Variants in INPPL1 observed in about 807,000 individuals in gnomAD.
INPPL1 encodes the protein inositol polyphosphate phosphatase like 1, also known as phosphatidylinositol 3,4,5-trisphosphate 5-phosphatase 2.
Under a neutral mutation model 139.3 loss-of-function variants are expected in INPPL1, and 91 were observed. The ratio of observed to expected loss-of-function variants is 0.65; its 90% confidence interval spans 0.55 to 0.78. The LOEUF is 0.78. INPPL1 is among the 30% of genes least tolerant of loss of function. The probability of loss-of-function intolerance (pLI) is 0.00; values close to 1 mark genes in which losing one functional copy is unlikely to be tolerated. For synonymous variants in INPPL1, 719 were observed against 686.6 expected, an observed-to-expected ratio of 1.05 and a Z score of -0.74; for missense variants, 1,411 against 1,665.6, an observed-to-expected ratio of 0.85 and a Z score of 2.66.
chr11:72,228,211 G>A lies in INPPL1; in HGVS notation c.204G>A (p.Thr68=), dbSNP rs180840957. 22 of 1,614,092 alleles carry A rather than the reference G, an allele frequency of 1.4e-5. No homozygotes were observed. The highest frequency in any genetic ancestry group is 4.5e-5 in the East Asian group (2 of 44,884). Residue 68 remains threonine, a synonymous_variant, in exon 2 of 28, where the codon ACG becomes ACA. Transcript: ENST00000298229. This position sits in a 1 kb window ranked among gnomAD's most constrained non-coding sequence, Gnocchi z 5.0. ...LCVLYQKHVH[T]YRILPDGEDF... ...TCAGGTATCAGAAGCATGTGCACACGTATCGCATTCTGCCTGATGGAGAAG... is the reference window on the plus strand; with the variant it reads ...TCAGGTATCAGAAGCATGTGCACACATATCGCATTCTGCCTGATGGAGAAG...
At position 72,224,900 on chromosome 11, in the gene INPPL1, G is replaced by GCCCGGC; in HGVS notation, c.-81_-76dup. On this transcript the variant is annotated 5_prime_UTR_variant, in exon 1 of 28. Coordinates refer to ENST00000298229, the MANE Select transcript of INPPL1 (RefSeq NM_001567.4). ...ACGGATCCTCAAGCCCGGGCCCCGG[G>GCCCGGC]CCCGGCCCCAGCCTCAGCCCTGAGC... 1 of 950,504 alleles carries GCCCGGC rather than the reference G, an allele frequency of 1.1e-6. No individual in the cohort carries two copies. The highest frequency in any genetic ancestry group is 1.3e-6 in the Non-Finnish European group (1 of 787,938). The allele number at this position is 950,504 out of a possible 1,614,324, so 58.9% of individuals were successfully genotyped here.
Position 72,232,314 on chromosome 11 carries a change from TC to T in INPPL1, c.1691del (p.Ser564TrpfsTer57). 6.4e-7 allele frequency: 1 copy of T among 1,553,176 alleles called. No homozygotes were observed. The highest frequency in any genetic ancestry group is 8.7e-7 in the Non-Finnish European group (1 of 1,147,736). On this transcript the variant is annotated frameshift_variant, in exon 14 of 28. Coordinates refer to ENST00000298229, the MANE Select transcript of INPPL1 (RefSeq NM_001567.4). LOFTEE classifies it high-confidence loss of function. ...TGGCTTTGTGAATTGTCACCTCACC[TC>T]GGGAAATGAGAAGACGGCTCGGTGA... is the stretch of plus-strand genomic sequence containing the variant. ...SFGFVNCHLTSGNEKTARRNQ... is the reference protein window; with the variant it reads ...SFGFVNCHLTXGNEKTARRNQ...
intron 7 of INPPL1, 39 bp from the exon 8 acceptor site, chr11:72,229,885 G>T: frequency 6.3e-7 from 1 of 1,599,016 alleles, no homozygotes; most frequent in Non-Finnish European, 8.6e-7. Context: ...CCAGCCTTCA[G>T]TGTGTCCCCT....
intron 13 of INPPL1, 94 bp from the exon 14 acceptor site, chr11:72,232,146 G>T: frequency 1.0e-6 from 1 of 996,792 alleles, no homozygotes; most frequent in Non-Finnish European, 1.5e-6. Flanking sequence ...GGCTCAGCGG[G>T]AGGATCCTCT....
chr11:72,231,764 C>A, intron 13 of INPPL1, 149 bp downstream of exon 13: 1 of 653,510 alleles, frequency 1.5e-6, no homozygotes, highest in Non-Finnish European at 2.7e-6. Context: ...TATTCATATT[C>A]TAAATCTCTC....
Position 72,238,432 on chromosome 11 carries a change from G to C in INPPL1, c.*79G>C. The C allele has an allele frequency of 8.0e-7, 1 of 1,245,502 alleles. No homozygotes were observed. The highest frequency in any genetic ancestry group is 1.1e-6 in the Non-Finnish European group (1 of 908,526). 77.2% of individuals were successfully genotyped at this position (1,245,502 alleles called of 1,614,324 possible). On this transcript the variant is annotated 3_prime_UTR_variant, in exon 28 of 28. Transcript: ENST00000298229. ...CCAGCTATGGCCCCAGGGTTGAAAAGTTATGAGGGTCAGGGCAGTATCTCT... is the reference window on the plus strand; with the variant it reads ...CCAGCTATGGCCCCAGGGTTGAAAACTTATGAGGGTCAGGGCAGTATCTCT...
intron 13 of INPPL1, 69 bp from the exon 14 acceptor site, chr11:72,232,171 G>A: frequency 8.0e-7 from 1 of 1,254,232 alleles, no homozygotes; most frequent in South Asian, 1.3e-5. Flanking sequence ...GCAGCTTTGA[G>A]AGGCAGAAGG....
At position 72,226,017 on chromosome 11, in the gene INPPL1, T is replaced by G. The variant is rs757326807; in HGVS notation, c.182+851T>G. ...TGTGGGCCCAGTGAGTGGGAATCTG[T>G]GGGGGCTGCTTTATTTAGATCAGTT... On this transcript the variant is annotated intron_variant, in intron 1 of 27. Coordinates refer to ENST00000298229, the MANE Select transcript of INPPL1 (RefSeq NM_001567.4). 3.0e-4 allele frequency among the ~76,000 whole-genome samples: 46 copies of G among 152,122 alleles called. 1 individual carries two copies. Among genetic ancestry groups the G allele is most frequent in the Non-Finnish European group, 8.8e-5 (6 of 68,016 alleles).
At chr11:72,233,259 C>T (rs958854761) in intron 17 of INPPL1, 96 bp downstream of exon 17, 2 of 1,170,848 alleles carry the variant, frequency 1.7e-6, no homozygotes, top group Admixed American at 2.1e-5. Context: ...GCTTCCACTC[C>T]AGCCTCCATG....
In INPPL1 at chr11:72,238,477, C is replaced by T. The variant is rs541183872; in HGVS notation, c.*124C>T. On this transcript the variant is annotated 3_prime_UTR_variant, in exon 28 of 28. Coordinates refer to ENST00000298229, the MANE Select transcript of INPPL1 (RefSeq NM_001567.4). Reference sequence around the variant, plus strand: ...ATCTCTCTGCCTATTTATTGGGGTGCCTATTTATTGGGGATCTGCATTCCC... The same window carrying T: ...ATCTCTCTGCCTATTTATTGGGGTGTCTATTTATTGGGGATCTGCATTCCC... 8 of 746,832 alleles carry T rather than the reference C, an allele frequency of 1.1e-5. No individual in the cohort carries two copies. The highest frequency in any genetic ancestry group is 1.6e-5 in the Non-Finnish European group (8 of 491,118). 46.3% of individuals were successfully genotyped at this position (746,832 alleles called of 1,614,324 possible).
At position 72,230,421 on chromosome 11, in the gene INPPL1, GAGA is replaced by G. The variant is rs1322947645; in HGVS notation, c.1153_1155del (p.Lys385del). 1 of 1,614,098 alleles carries G rather than the reference GAGA, an allele frequency of 6.2e-7. No homozygotes were observed. Among genetic ancestry groups the G allele is most frequent in the African/African-American group, 1.3e-5 (1 of 75,070 alleles). ...CAAGCTGGGTGTTGTGTTTGAGAAGGAGAAGGACCGGACTCAGCGCAAGGACTT... is the reference window on the plus strand; with the variant it reads ...CAAGCTGGGTGTTGTGTTTGAGAAGGAGGACCGGACTCAGCGCAAGGACTT... On this transcript the variant is annotated inframe_deletion, in exon 10 of 28. Coordinates refer to ENST00000298229, the MANE Select transcript of INPPL1 (RefSeq NM_001567.4).
At chr11:72,233,411 C>G in intron 17 of INPPL1, 30 bp from the exon 18 acceptor site, 1 of 1,600,832 alleles carries the variant, frequency 6.2e-7, no homozygotes, top group South Asian at 1.1e-5. Context: ...TAGCTGTCAG[C>G]TCTAACCATG....
chr11:72,237,824 T>TGTGC (rs1949038064), intron 26 of INPPL1, 28 bp downstream of exon 26: 1 of 1,562,198 alleles, frequency 6.4e-7, no homozygotes, highest in Non-Finnish European at 8.7e-7. Flanking sequence ...GCTGTCTGTG[T>TGTGC]GTGCCTGAGT....
In INPPL1 at chr11:72,229,210, C is replaced by T. The variant is rs1391855248; in HGVS notation, c.639C>T (p.Thr213=). ...CCCACCTCACCCGTACCCTCGCTAC[C>T]TCATGCCGGAGGCTGCACAGGTATC... ...HLPHLTRTLA[T]SCRRLHSEVD... The change falls in exon 5 of 28, where the codon ACC becomes ACT. Residue 213 remains threonine, a synonymous_variant. Transcript: ENST00000298229. 2.5e-5 allele frequency: 41 copies of T among 1,611,268 alleles called. No individual in the cohort carries two copies. The highest frequency in any genetic ancestry group is 3.2e-5 in the Non-Finnish European group (38 of 1,178,564).
Position 72,233,149 on chromosome 11 carries a change from C to G in INPPL1, c.2026C>G (p.Gln676Glu). The change falls in exon 17 of 28, where the codon CAG (glutamine) becomes GAG (glutamate). Residue 676 changes from glutamine (Q) to glutamate (E), a missense_variant. Gln to Glu is a conservative substitution (Grantham distance 29, BLOSUM62 2). Coordinates refer to ENST00000298229, the MANE Select transcript of INPPL1 (RefSeq NM_001567.4). ...CCGGGACACATATGCCTGGCACAAG[C>G]AGAAGCCAACTGGGGTGAGCCAAGA... The part of the protein sequence containing the change: ...GSRDTYAWHK[Q>E]KPTGVRTNVP... The G allele has an allele frequency of 6.2e-7, 1 of 1,613,808 alleles. No homozygotes were observed. The highest frequency in any genetic ancestry group is 8.5e-7 in the Non-Finnish European group (1 of 1,179,892).
chr11:72,233,458 C>T lies in INPPL1; in HGVS notation c.2058C>T (p.Pro686=), dbSNP rs1565392826. ...QKPTGVRTNV[P]SWCDRILWKS... is the part of the protein sequence containing the mutation. ...TGCCCCAGGTCCGGACCAATGTGCCCTCATGGTGTGACCGGATTCTGTGGA... is the reference window on the plus strand; with the variant it reads ...TGCCCCAGGTCCGGACCAATGTGCCTTCATGGTGTGACCGGATTCTGTGGA... The change falls in exon 18 of 28, where the codon CCC becomes CCT. Residue 686 remains proline, a synonymous_variant. Coordinates refer to ENST00000298229, the MANE Select transcript of INPPL1 (RefSeq NM_001567.4). 2 of 1,614,170 alleles carry T rather than the reference C, an allele frequency of 1.2e-6. No homozygotes were observed. The highest frequency in any genetic ancestry group is 1.7e-6 in the Non-Finnish European group (2 of 1,180,020).
intron 17 of INPPL1, 137 bp from the exon 18 acceptor site, chr11:72,233,304 T>C (rs1208354977): frequency 1.7e-5 from 18 of 1,050,628 alleles, no homozygotes; most frequent in Non-Finnish European, 2.3e-5. Flanking sequence ...CCTGGGTATT[T>C]TGAGGATCCA....
Position 72,228,444 on chromosome 11 carries a change from C to A in INPPL1, c.343C>A (p.Leu115Ile). The A allele has an allele frequency of 6.2e-7, 1 of 1,612,326 alleles. No individual in the cohort carries two copies. Among genetic ancestry groups the A allele is most frequent in the Non-Finnish European group, 8.5e-7 (1 of 1,180,018 alleles). The change falls in exon 3 of 28, where the codon CTT becomes ATT. Residue 115 changes from leucine (L) to isoleucine (I), a missense_variant. Transcript: ENST00000298229. This position sits in a 1 kb window ranked among gnomAD's most constrained non-coding sequence, Gnocchi z 5.0. ...PNQGLVCALL[L>I]PVEGEREPDP... ...CCAGGGCCTTGTGTGCGCCCTGCTTCTTCCTGTAGAGGGTGAGCGAGAGCC... is the reference window on the plus strand; with the variant it reads ...CCAGGGCCTTGTGTGCGCCCTGCTTATTCCTGTAGAGGGTGAGCGAGAGCC...
chr11:72,233,889 G>A (rs1012588263), intron 19 of INPPL1, 145 bp downstream of exon 19: 21 of 685,742 alleles, frequency 3.1e-5, no homozygotes, highest in African/African-American at 3.0e-4. Flanking sequence ...AAGGTGTGAT[G>A]TGTCAGGGTG....
Sources: allele counts gnomAD v4.1 joint callset (sites outside exome capture counted in the v4.1 genomes callset), GRCh38; gene constraint gnomAD v4.1.1; non-coding constraint Gnocchi (gnomAD v3.1); transcripts MANE v1.5; gene names NCBI Gene and HGNC (gene_info 2026-07-23, HGNC 2026-07-21).